The following TMEM87A variants were observed in gnomAD, a reference collection of about 807,000 sequenced individuals.
TMEM87A encodes Golgi-pH regulating cation channel.
In TMEM87A, 50 loss-of-function variants were observed where a neutral mutation model predicts 90.0. That is an observed-to-expected ratio of 0.56 (90% CI 0.44 to 0.70). The LOEUF (loss-of-function observed/expected upper bound fraction) is 0.70. Among genes scored for constraint, TMEM87A ranks in the 30% least tolerant of loss-of-function variants. The pLI is 0.00. For missense variants in TMEM87A, 577 were observed against 660.5 expected (o/e 0.87, Z 1.39); for synonymous variants, 226 against 226.7 (o/e 1.00, Z 0.03).
chr15:42,226,608 C>A, intron 15 of TMEM87A, 198 bp downstream of exon 15: 1 of 536,814 alleles, frequency 1.9e-6, no homozygotes, highest in South Asian at 2.7e-5. Flanking sequence ...GAAACTAAGG[C>A]CAGAGAGGTG....
chr15:42,231,020 CA>C (rs1306693665), intron 12 of TMEM87A, among the ~76,000 whole-genome samples, 171 bp downstream of exon 12: 1 of 151,730 alleles, frequency 6.6e-6, no homozygotes, highest in South Asian at 2.1e-4. Flanking sequence ...AAAATAGAAA[CA>C]AAAAAAACTG....
At position 42,218,356 on chromosome 15, in the gene TMEM87A, A is replaced by G; in HGVS notation, c.1562T>C (p.Val521Ala). The change falls in exon 18 of 20, where the codon GTA (valine) becomes GCA (alanine). Residue 521 changes from valine to alanine, a missense_variant. Physicochemically the swap from Val to Ala is moderately conservative, Grantham distance 64 (BLOSUM62 0). Coordinates refer to ENST00000389834, the MANE Select transcript of TMEM87A (RefSeq NM_015497.5). ...CACAGAAGAAGGAACATTCTCTTCT[A>G]CCCACTTCAAATCATCTTCCTGCTG... ...NKAQEDDLKW[V>A]EENVPSSVTD... 6.2e-7 allele frequency: 1 copy of G among 1,613,844 alleles called. No individual in the cohort carries two copies. The highest frequency in any genetic ancestry group is 8.5e-7 in the Non-Finnish European group (1 of 1,179,844).
chr15:42,221,235 CGA>C (rs1453683669), intron 15 of TMEM87A, among the ~76,000 whole-genome samples: 2 of 147,966 alleles, frequency 1.4e-5, no homozygotes, highest in Non-Finnish European at 3.0e-5. Context: ...GGCGACACAG[CGA>C]GACTCCGTCA....
Position 42,250,380 on chromosome 15 carries a change from G to T in TMEM87A, c.505-6213C>A, listed in dbSNP as rs571220089. On this transcript the variant is annotated intron_variant, in intron 6 of 19. Transcript: ENST00000389834. Reference sequence around the variant, plus strand: ...CTAGCATCGATGGTCTTTACAATTTGGCATGTTTTTGCAGTGGCTGGTACT... The same window carrying T: ...CTAGCATCGATGGTCTTTACAATTTTGCATGTTTTTGCAGTGGCTGGTACT... 3.3e-5 allele frequency among the ~76,000 whole-genome samples: 5 copies of T among 152,276 alleles called. No homozygotes were observed. The South Asian group carries it at 1.0e-3, about 32-fold the overall frequency.
At chr15:42,273,539 C>T (rs1033931920), upstream of TMEM87A, 4 of 1,411,270 alleles carry the variant, frequency 2.8e-6, no homozygotes, top group Non-Finnish European at 2.8e-6. Flanking sequence ...CGTAGCGGCC[C>T]CTCTCTCAGA....
chr15:42,237,355 A>G, intron 9 of TMEM87A, 77 bp downstream of exon 9: 1 of 1,427,076 alleles, frequency 7.0e-7, no homozygotes, highest in Non-Finnish European at 9.6e-7. Flanking sequence ...CTATGTAGTG[A>G]CTGCTGACCT....
chr15:42,259,897 A>G (rs761258362), intron 6 of TMEM87A, among the ~76,000 whole-genome samples: 2 of 152,208 alleles, frequency 1.3e-5, no homozygotes, highest in Admixed American at 6.5e-5. Flanking sequence ...ATGTCCAGAA[A>G]AGGCAAGTAC....
intron 2 of TMEM87A, among the ~76,000 whole-genome samples, chr15:42,269,661 G>A (rs954690442): frequency 6.6e-6 from 1 of 152,188 alleles, no homozygotes; most frequent in Non-Finnish European, 1.5e-5. Context: ...ATAAGGTCGG[G>A]CGCGGTGGCT....
chr15:42,249,594 G>C (rs1484123683), intron 6 of TMEM87A, among the ~76,000 whole-genome samples: 1 of 152,214 alleles, frequency 6.6e-6, no homozygotes, highest in East Asian at 1.9e-4. Context: ...GTGTGGTTTT[G>C]AGTGAGTTTC....
intron 6 of TMEM87A, among the ~76,000 whole-genome samples, chr15:42,244,468 T>C (rs1037082056): frequency 1.3e-5 from 2 of 151,928 alleles, no homozygotes; most frequent in Non-Finnish European, 2.9e-5. Flanking sequence ...AACTAAGCCA[T>C]ACTAGGATAC....
At position 42,273,361 on chromosome 15, in the gene TMEM87A, A is replaced by G. The variant is rs1408670544; in HGVS notation, c.38T>C (p.Ile13Thr). ...CGGGTGAGCTCCCAGAAGCAGAAGAATGACAGGCAACACCTGAAGCCACGC... is the reference window on the plus strand; with the variant it reads ...CGGGTGAGCTCCCAGAAGCAGAAGAGTGACAGGCAACACCTGAAGCCACGC... ...AAAWLQVLPVILLLLGAHPSP... is the reference protein window; with the variant it reads ...AAAWLQVLPVTLLLLGAHPSP... The change falls in exon 1 of 20, where the codon ATT becomes ACT. Residue 13 changes from isoleucine (I) to threonine (T), a missense_variant. Physicochemically the swap from Ile to Thr is moderately conservative, Grantham distance 89 (BLOSUM62 -1). Coordinates refer to ENST00000389834, the MANE Select transcript of TMEM87A (RefSeq NM_015497.5). The G allele has an allele frequency of 1.2e-6, 2 of 1,614,140 alleles. No homozygotes were observed. The highest frequency in any genetic ancestry group is 1.7e-6 in the Non-Finnish European group (2 of 1,180,044).
At chr15:42,251,756 T>A (rs2051090591) in intron 6 of TMEM87A, among the ~76,000 whole-genome samples, 1 of 152,226 alleles carries the variant, frequency 6.6e-6, no homozygotes, top group Non-Finnish European at 1.5e-5. Flanking sequence ...AACACTGTGC[T>A]GGGAGAACGA....
intron 6 of TMEM87A, among the ~76,000 whole-genome samples, chr15:42,250,613 G>A (rs573114872): frequency 4.7e-4 from 72 of 152,236 alleles, no homozygotes; most frequent in Non-Finnish European, 8.5e-4. Context: ...TTGTCTGTTA[G>A]TCTGATGGCC....
intron 8 of TMEM87A, among the ~76,000 whole-genome samples, chr15:42,238,789 T>C (rs1456765730): frequency 1.4e-5 from 2 of 142,520 alleles, no homozygotes; most frequent in Admixed American, 7.2e-5. Context: ...CTATTTCAGC[T>C]CACGATCTAA....
At chr15:42,212,218 C>T (rs1259903363) in intron 19 of TMEM87A, among the ~76,000 whole-genome samples, 1 of 152,130 alleles carries the variant, frequency 6.6e-6, no homozygotes, top group Admixed American at 6.5e-5. Context: ...AATAAAATTA[C>T]ATTTAATTTA....
chr15:42,244,237 G>A (rs780725785), intron 6 of TMEM87A, 70 bp from the exon 7 acceptor site: 120 of 1,095,286 alleles, frequency 1.1e-4, no homozygotes, highest in Non-Finnish European at 1.5e-4. Context: ...AATACAATAT[G>A]CAAATTTTGC....
At chr15:42,243,988 TA>T in intron 7 of TMEM87A, 61 bp downstream of exon 7, 2 of 992,286 alleles carry the variant, frequency 2.0e-6, no homozygotes, top group Non-Finnish European at 2.9e-6. Flanking sequence ...AAAGCATATG[TA>T]AAGTACATGA....
At chr15:42,228,877 G>A (rs900198548) in intron 12 of TMEM87A, 57 bp from the exon 13 acceptor site, 9 of 1,314,124 alleles carry the variant, frequency 6.8e-6, no homozygotes, top group Non-Finnish European at 5.3e-6. Context: ...TAGCCAATTA[G>A]TTTTCAGGTT....
intron 9 of TMEM87A, 73 bp downstream of exon 9, chr15:42,237,359 C>T: frequency 6.7e-7 from 1 of 1,483,208 alleles, no homozygotes; most frequent in African/African-American, 1.4e-5. Flanking sequence ...GTAGTGACTG[C>T]TGACCTTAGG....
Sources: allele counts gnomAD v4.1 joint callset (sites outside exome capture counted in the v4.1 genomes callset), GRCh38; gene constraint gnomAD v4.1.1; transcripts MANE v1.5; gene names NCBI Gene and HGNC (gene_info 2026-07-23, HGNC 2026-07-21).